Variants in LONP2 observed in about 807,000 individuals in gnomAD.
The protein encoded by LONP2 is lon peptidase 2, peroxisomal.
LONP2 carries 60 observed loss-of-function variants against 85.6 expected under a neutral mutation model. The observed-to-expected ratio is 0.70, with a 90% confidence interval of 0.57 to 0.87. The LOEUF (loss-of-function observed/expected upper bound fraction) is 0.87, where lower values mean the gene tolerates loss of function less well. Ranked by LOEUF, LONP2 falls within the 40% of genes least tolerant of loss-of-function variation. LONP2 has a pLI of 0.00. For missense variants in LONP2, 860 were observed against 1,063.5 expected, an observed-to-expected ratio of 0.81 and a Z score of 2.66; for synonymous variants, 395 against 389.7, an observed-to-expected ratio of 1.01 and a Z score of -0.16.
chr16:48,254,898 C>T (rs74016340), intron 2 of LONP2, among the ~76,000 whole-genome samples: 1,866 of 152,204 alleles, frequency 0.012, 40 homozygotes, highest in African/African-American at 0.043. Context: ...GTTTTATTTT[C>T]GTGGGGTGAA....
At chr16:48,308,115 C>G (rs1295789957) in intron 11 of LONP2, among the ~76,000 whole-genome samples, 2 of 152,164 alleles carry the variant, frequency 1.3e-5, no homozygotes, top group Non-Finnish European at 2.9e-5. Flanking sequence ...GTAACCAAAA[C>G]AGCATGGTAC....
At chr16:48,305,861 T>G (rs1972901534) in intron 11 of LONP2, among the ~76,000 whole-genome samples, 1 of 152,206 alleles carries the variant, frequency 6.6e-6, no homozygotes, top group African/African-American at 2.4e-5. Flanking sequence ...GTTTATATAT[T>G]TTTTATTTCT....
intron 12 of LONP2, among the ~76,000 whole-genome samples, chr16:48,346,355 T>G (rs190309773): frequency 7.2e-5 from 11 of 152,306 alleles, no homozygotes; most frequent in African/African-American, 2.4e-4. Flanking sequence ...GAGTTAACAT[T>G]ACTGATTTTC....
chr16:48,345,986 T>C (rs985663901), intron 12 of LONP2: 10 of 150,406 alleles, frequency 6.6e-5, no homozygotes, highest in African/African-American at 2.2e-4. Context: ...GGAGGTTGCA[T>C]TGAGCCAAGA....
rs138319952 is a variant in LONP2, at chr16:48,295,197, C to T, written c.1384-818C>T. ...GACCAGCCTGGCCAACATGGTGAAA[C>T]CCCATCTCTACTAAAAATACAAAAG... On this transcript the variant is annotated intron_variant, in intron 8 of 14. Transcript: ENST00000285737. Among the ~76,000 whole-genome samples, 74 of 152,234 alleles carry T rather than the reference C, an allele frequency of 4.9e-4. 4 individuals are homozygous for T. The East Asian group carries it at 0.014, about 29-fold the overall frequency.
Position 48,343,224 on chromosome 16 carries a change from T to A in LONP2, c.1939-4283T>A, listed in dbSNP as rs191682690. ...AAAGGACTGTTGAATGAATGTCAAA[T>A]ATGGGTCCCTCTGATGGGTCTATAC... On this transcript the variant is annotated intron_variant, in intron 12 of 14. Coordinates refer to ENST00000285737, the MANE Select transcript of LONP2 (RefSeq NM_031490.5). Among the ~76,000 whole-genome samples the A allele has an allele frequency of 2.3e-4, 35 of 152,230 alleles. No homozygotes were observed. The South Asian group carries it at 6.4e-3, about 28-fold the overall frequency.
chr16:48,250,017 C>T (rs1567306262), intron 1 of LONP2, among the ~76,000 whole-genome samples: 3 of 151,892 alleles, frequency 2.0e-5, no homozygotes, highest in Admixed American at 1.3e-4. Context: ...CATAGTGAAA[C>T]CCTGTCTCTA....
At chr16:48,275,941 T>C (rs1972199615) in intron 7 of LONP2, among the ~76,000 whole-genome samples, 1 of 152,198 alleles carries the variant, frequency 6.6e-6, no homozygotes, top group Non-Finnish European at 1.5e-5. Flanking sequence ...TTGTCAGTAC[T>C]TGTTTTTGAA....
chr16:48,256,644 T>C lies in LONP2; in HGVS notation c.503T>C (p.Val168Ala). 6.2e-7 allele frequency: 1 copy of C among 1,613,868 alleles called. No homozygotes were observed. Among genetic ancestry groups the C allele is most frequent in the South Asian group, 1.1e-5 (1 of 91,050 alleles). The change falls in exon 3 of 15, where the codon GTT becomes GCT. Residue 168 changes from valine to alanine, a missense_variant. Physicochemically the swap from Val to Ala is moderately conservative, Grantham distance 64. Around this residue, in one of 3 missense-constraint regions of LONP2, gnomAD observed 743 missense variants for 917.3 expected, o/e 0.81. Transcript: ENST00000285737. ...ATGTTGGATATGTCTGTCCCTGCAGTTGCTAAATTGAGACGTCTTTTAGAT... is the reference window on the plus strand; with the variant it reads ...ATGTTGGATATGTCTGTCCCTGCAGCTGCTAAATTGAGACGTCTTTTAGAT... ...VEMLDMSVPA[V>A]AKLRRLLDSL...
At chr16:48,286,323 A>G (rs1213464384) in intron 8 of LONP2, among the ~76,000 whole-genome samples, 3 of 151,640 alleles carry the variant, frequency 2.0e-5, no homozygotes, top group African/African-American at 7.3e-5. Context: ...TTGTATTTTT[A>G]GTAGAGATGG....
chr16:48,261,592 A>C lies in LONP2; in HGVS notation c.887+5A>C. On this transcript the variant is annotated splice_donor_5th_base_variant and intron_variant, in intron 5 of 14. Transcript: ENST00000285737. ...CTGTGTCAAAGAGATAAAGAGGTAA[A>C]TTATAAAAGGCATTTGTTCATTATT... is the stretch of plus-strand genomic sequence containing the variant. The C allele has an allele frequency of 6.5e-7, 1 of 1,548,308 alleles. No homozygotes were observed. The highest frequency in any genetic ancestry group is 8.7e-7 in the Non-Finnish European group (1 of 1,147,026).
chr16:48,258,625 A>C lies in LONP2; in HGVS notation c.608A>C (p.Asp203Ala), dbSNP rs753989357. 1.3e-5 allele frequency: 20 copies of C among 1,594,764 alleles called. No individual in the cohort carries two copies. The highest frequency in any genetic ancestry group is 1.6e-5 in the Non-Finnish European group (19 of 1,172,968). ...TSNKEKLQIL[D>A]AVSLEERFKM... ...TGACTCACATTTCCTTAGATTTTAGATGCTGTGAGCCTAGAGGAGCGGTTC... is the reference window on the plus strand; with the variant it reads ...TGACTCACATTTCCTTAGATTTTAGCTGCTGTGAGCCTAGAGGAGCGGTTC... The change falls in exon 4 of 15, where the codon GAT becomes GCT. Residue 203 changes from aspartate to alanine, a missense_variant. Around this residue, in one of 3 missense-constraint regions of LONP2, gnomAD observed 743 missense variants for 917.3 expected, o/e 0.81. Coordinates refer to ENST00000285737, the MANE Select transcript of LONP2 (RefSeq NM_031490.5).
At position 48,277,492 on chromosome 16, in the gene LONP2, A is replaced by G. The variant is rs1384903440; in HGVS notation, c.1383+13A>G. 1.2e-6 allele frequency: 2 copies of G among 1,611,788 alleles called. No individual in the cohort carries two copies. Among genetic ancestry groups the G allele is most frequent in the Non-Finnish European group, 1.7e-6 (2 of 1,178,834 alleles). ...AGCTCTGCTTGAGGTAAGATTTGGA[A>G]AATTCCCTGTCTGTCTTCATACTGG... On this transcript the variant is annotated intron_variant, in intron 8 of 14. Coordinates refer to ENST00000285737, the MANE Select transcript of LONP2 (RefSeq NM_031490.5).
chr16:48,357,425 G>C (rs188794973), downstream of LONP2: 1 of 152,322 alleles, frequency 6.6e-6, no homozygotes, highest in Admixed American at 6.5e-5. Flanking sequence ...TGGATGAGTG[G>C]GGAGGGGAAT....
intron 11 of LONP2, 37 bp from the exon 12 acceptor site, chr16:48,334,179 C>G (rs1224947422): frequency 1.9e-6 from 3 of 1,598,510 alleles, no homozygotes; most frequent in Non-Finnish European, 2.6e-6. Context: ...GCCTGCAAAT[C>G]TCTTAGAACT....
intron 6 of LONP2, among the ~76,000 whole-genome samples, chr16:48,269,784 T>C (rs1470314902): frequency 2.0e-5 from 3 of 152,132 alleles, no homozygotes; most frequent in Non-Finnish European, 4.4e-5. Flanking sequence ...TAAAATGATA[T>C]GAACATTGAG....
At chr16:48,359,599 C>G (rs1960498559), downstream of LONP2, among the ~76,000 whole-genome samples, 1 of 151,990 alleles carries the variant, frequency 6.6e-6, no homozygotes. Flanking sequence ...GCCTGTAGTC[C>G]CAGCTACTCT....
chr16:48,336,376 C>T (rs1220272094), intron 12 of LONP2: 5 of 456,068 alleles, frequency 1.1e-5, no homozygotes, highest in African/African-American at 2.0e-5. Flanking sequence ...CTCCAGTAGC[C>T]ATTTTGTCTT....
intron 12 of LONP2, among the ~76,000 whole-genome samples, chr16:48,341,748 G>A (rs538597085): frequency 6.6e-6 from 1 of 152,300 alleles, no homozygotes; most frequent in South Asian, 2.1e-4. Context: ...TATCAATTAA[G>A]TGCATGTTTT....
Sources: gnomAD v4.1 joint callset for allele counts (sites outside exome capture counted in the v4.1 genomes callset) on GRCh38, gnomAD v4.1.1 for gene constraint, gnomAD v4.1.1 regional missense constraint, MANE v1.5 for transcripts, NCBI Gene and HGNC (gene_info 2026-07-23, HGNC 2026-07-21) for gene names.